Variants in MYO1D observed in about 807,000 individuals in gnomAD.
MYO1D encodes the protein unconventional myosin-Id.
MYO1D carries 83 observed loss-of-function variants against 122.0 expected under a neutral mutation model. That is an observed-to-expected ratio of 0.68 (90% CI 0.57 to 0.82). The LOEUF (loss-of-function observed/expected upper bound fraction) is 0.82, where lower values mean the gene tolerates loss of function less well. Ranked by LOEUF, MYO1D falls within the 40% of genes least tolerant of loss-of-function variation. The pLI is 0.00. For synonymous variants in MYO1D, 464 were observed against 446.9 expected, an observed-to-expected ratio of 1.04 and a Z score of -0.48; for missense variants, 1,157 against 1,269.5, an observed-to-expected ratio of 0.91 and a Z score of 1.35.
At chr17:32,760,182 C>A in intron 10 of MYO1D, 108 bp downstream of exon 10, 1 of 937,614 alleles carries the variant, frequency 1.1e-6, no homozygotes, top group South Asian at 1.3e-5. Context: ...AGCTAAGGTT[C>A]AGATGTTTCA....
chr17:32,547,949 T>TA (rs10716642), intron 21 of MYO1D, among the ~76,000 whole-genome samples: 142 of 145,658 alleles, frequency 9.7e-4, no homozygotes, highest in Middle Eastern at 3.8e-3. Flanking sequence ...GACCGTGTCT[T>TA]AAAAAAAAAA....
chr17:32,720,249 C>T (rs2089494968), intron 15 of MYO1D, among the ~76,000 whole-genome samples: 1 of 152,006 alleles, frequency 6.6e-6, no homozygotes, highest in Admixed American at 6.6e-5. Flanking sequence ...TATCATTAAG[C>T]AACATTATCA....
At chr17:32,639,936 G>C (rs1416139655) in intron 19 of MYO1D, among the ~76,000 whole-genome samples, 1 of 152,136 alleles carries the variant, frequency 6.6e-6, no homozygotes, top group Non-Finnish European at 1.5e-5. Context: ...AACATGGTTA[G>C]CTTCGGTAGG....
At chr17:32,851,477 A>G (rs1372044947) in intron 1 of MYO1D, among the ~76,000 whole-genome samples, 1 of 152,152 alleles carries the variant, frequency 6.6e-6, no homozygotes, top group Admixed American at 6.5e-5. Flanking sequence ...CCCTTCTATC[A>G]AATAGTCCAT....
intron 20 of MYO1D, among the ~76,000 whole-genome samples, chr17:32,605,959 G>A (rs1447652225): frequency 6.6e-6 from 1 of 151,952 alleles, no homozygotes; most frequent in African/African-American, 2.4e-5. Context: ...CATTAGCCGG[G>A]CATGGAGGCG....
At chr17:32,722,634 G>A (rs2089525484) in intron 14 of MYO1D, among the ~76,000 whole-genome samples, 1 of 152,182 alleles carries the variant, frequency 6.6e-6, no homozygotes, top group Non-Finnish European at 1.5e-5. Flanking sequence ...CCATTTATTA[G>A]TAGCCTTATC....
intron 21 of MYO1D, among the ~76,000 whole-genome samples, chr17:32,549,237 C>T (rs1222582551): frequency 6.6e-6 from 1 of 152,082 alleles, no homozygotes; most frequent in Non-Finnish European, 1.5e-5. Flanking sequence ...GGACTACAGG[C>T]ACACAGCACC....
At chr17:32,667,660 G>A (rs961409488) in intron 16 of MYO1D, among the ~76,000 whole-genome samples, 1 of 152,174 alleles carries the variant, frequency 6.6e-6, no homozygotes, top group Non-Finnish European at 1.5e-5. Context: ...GGTGGTATTG[G>A]TATGTGCTTG....
At chr17:32,499,509 C>T (rs566876130) in intron 21 of MYO1D, among the ~76,000 whole-genome samples, 1 of 152,080 alleles carries the variant, frequency 6.6e-6, no homozygotes, top group East Asian at 1.9e-4. Flanking sequence ...TGGTGCATGC[C>T]TGTAATCCCA....
intron 21 of MYO1D, among the ~76,000 whole-genome samples, chr17:32,570,758 A>T (rs568488749): frequency 6.6e-6 from 1 of 152,362 alleles, no homozygotes; most frequent in South Asian, 2.1e-4. Context: ...ACTCAGTGAC[A>T]TCCCAGTTTG....
intron 21 of MYO1D, among the ~76,000 whole-genome samples, chr17:32,501,989 G>A (rs1428196778): frequency 1.3e-5 from 2 of 152,164 alleles, no homozygotes; most frequent in Admixed American, 1.3e-4. Context: ...CCAGGTAGAT[G>A]ATGTCGGAAT....
At chr17:32,805,991 G>A (rs1381999426) in intron 1 of MYO1D, among the ~76,000 whole-genome samples, 1 of 152,214 alleles carries the variant, frequency 6.6e-6, no homozygotes. Context: ...GGGTGCAGTG[G>A]CTCACGCCTG....
At chr17:32,705,416 T>C (rs2089294161) in intron 16 of MYO1D, among the ~76,000 whole-genome samples, 2 of 146,770 alleles carry the variant, frequency 1.4e-5, no homozygotes, top group East Asian at 2.1e-4. Context: ...TCCACCACCA[T>C]GCCCGGCTAA....
intron 1 of MYO1D, among the ~76,000 whole-genome samples, chr17:32,824,803 G>A (rs574015303): frequency 2.6e-5 from 4 of 151,974 alleles, no homozygotes; most frequent in African/African-American, 9.7e-5. Context: ...GTATGTATGG[G>A]TATGCACAAT....
intron 21 of MYO1D, among the ~76,000 whole-genome samples, chr17:32,543,564 ACT>A (rs200264050): frequency 0.33 from 49,477 of 151,224 alleles, 8,474 homozygotes; most frequent in African/African-American, 0.4. Context: ...CAACATCAAG[ACT>A]CTGTCTCAAA....
chr17:32,608,502 G>T (rs2087658322), intron 20 of MYO1D, among the ~76,000 whole-genome samples: 1 of 152,120 alleles, frequency 6.6e-6, no homozygotes, highest in Non-Finnish European at 1.5e-5. Flanking sequence ...ACTAAATGCT[G>T]GTGAGGACAC....
chr17:32,775,815 A>G (rs1197294083), intron 4 of MYO1D, 49 bp downstream of exon 4: 1 of 1,437,324 alleles, frequency 7.0e-7, no homozygotes, highest in Admixed American at 2.1e-5. Flanking sequence ...TAATTTGTTT[A>G]AACATTCAGC....
At chr17:32,792,653 T>G (rs1179618124) in intron 1 of MYO1D, 1 of 152,212 alleles carries the variant, frequency 6.6e-6, no homozygotes, top group East Asian at 1.9e-4. Flanking sequence ...TTTGTTTTTA[T>G]TTTTCTAGAG....
intron 21 of MYO1D, among the ~76,000 whole-genome samples, chr17:32,548,592 C>T (rs571544511): frequency 3.1e-4 from 47 of 152,082 alleles, no homozygotes; most frequent in Non-Finnish European, 4.7e-4. Context: ...CATTTGGCAA[C>T]GTGGGGAAAA....
Sources: gnomAD v4.1 joint callset for allele counts (sites outside exome capture counted in the v4.1 genomes callset) on GRCh38, gnomAD v4.1.1 for gene constraint, MANE v1.5 for transcripts, NCBI Gene and HGNC (gene_info 2026-07-23, HGNC 2026-07-21) for gene names.